The following EXT1 variants were observed in gnomAD, a reference collection of about 807,000 sequenced individuals.
EXT1 encodes exostosin glycosyltransferase 1.
Under a neutral mutation model 82.5 loss-of-function variants are expected in EXT1, and 20 were observed. The ratio of observed to expected loss-of-function variants is 0.24; its 90% CI spans 0.17 to 0.35. The LOEUF is 0.35. EXT1 is among the 10% of genes least tolerant of loss of function. The pLI is 1.00. For synonymous variants in EXT1, 348 were observed against 350.8 expected, an observed-to-expected ratio of 0.99 and a Z score of 0.09; for missense variants, 757 against 936.5, an observed-to-expected ratio of 0.81 and a Z score of 2.50.
intron 1 of EXT1, among the ~76,000 whole-genome samples, chr8:117,968,823 C>A (rs1814881670): frequency 1.5e-5 from 1 of 64,574 alleles, no homozygotes; most frequent in East Asian, 3.2e-4. Flanking sequence ...CCCGCCTCGG[C>A]CTCCCAAAGT....
At chr8:117,888,748 C>A (rs1813193077) in intron 1 of EXT1, among the ~76,000 whole-genome samples, 2 of 152,198 alleles carry the variant, frequency 1.3e-5, no homozygotes, top group Admixed American at 6.5e-5. Flanking sequence ...ACCTCCTCCC[C>A]ATTTGCCTTC....
intron 4 of EXT1, 64 bp from the exon 5 acceptor site, chr8:117,822,661 C>T (rs2129749870): frequency 3.1e-6 from 5 of 1,589,056 alleles, no homozygotes; most frequent in East Asian, 2.2e-5. Flanking sequence ...AAGGATGATG[C>T]TCAATCCAAA....
At chr8:117,800,388 C>T (rs1823148068) in intron 10 of EXT1, among the ~76,000 whole-genome samples, 1 of 152,106 alleles carries the variant, frequency 6.6e-6, no homozygotes, top group Non-Finnish European at 1.5e-5. Context: ...ATCTCTTTAC[C>T]TTTATAAGGG....
intron 3 of EXT1, among the ~76,000 whole-genome samples, chr8:117,833,039 C>T (rs1374041057): frequency 6.6e-6 from 1 of 152,086 alleles, no homozygotes; most frequent in African/African-American, 2.4e-5. Context: ...ATAAAAACAT[C>T]CCAGCTGTTC....
intron 1 of EXT1, among the ~76,000 whole-genome samples, chr8:118,103,802 C>A (rs564135648): frequency 4.6e-5 from 7 of 152,106 alleles, no homozygotes; most frequent in Non-Finnish European, 2.9e-5. Context: ...ATTCCAATGC[C>A]CCTTGAACAG....
intron 1 of EXT1, among the ~76,000 whole-genome samples, chr8:118,086,573 C>T (rs1175057185): frequency 6.6e-6 from 1 of 152,150 alleles, no homozygotes; most frequent in East Asian, 1.9e-4. Flanking sequence ...GAATATTCAG[C>T]TTCCCTTTGG....
chr8:117,988,391 C>A (rs915271712), intron 1 of EXT1, among the ~76,000 whole-genome samples: 2 of 150,398 alleles, frequency 1.3e-5, no homozygotes, highest in African/African-American at 4.9e-5. Flanking sequence ...AGTGTAGATT[C>A]CTGGGCCCAG....
At chr8:117,947,894 T>C (rs746255664) in intron 1 of EXT1, among the ~76,000 whole-genome samples, 4 of 152,132 alleles carry the variant, frequency 2.6e-5, no homozygotes, top group Non-Finnish European at 4.4e-5. Context: ...ACTTTGGAGG[T>C]CAGCCAAAAT....
chr8:117,911,105 G>A (rs749423000), intron 1 of EXT1, among the ~76,000 whole-genome samples: 134 of 152,294 alleles, frequency 8.8e-4, no homozygotes, highest in Non-Finnish European at 1.6e-3. Flanking sequence ...AGCTGTAAAT[G>A]GACTAACAGC....
At chr8:117,955,504 T>C (rs1287649872) in intron 1 of EXT1, among the ~76,000 whole-genome samples, 1 of 152,208 alleles carries the variant, frequency 6.6e-6, no homozygotes, top group Non-Finnish European at 1.5e-5. Context: ...GACATTCTTA[T>C]CACCTCTATC....
intron 1 of EXT1, among the ~76,000 whole-genome samples, chr8:118,053,171 G>C (rs967444162): frequency 2.0e-5 from 3 of 152,050 alleles, no homozygotes; most frequent in Non-Finnish European, 2.9e-5. Flanking sequence ...GTTGGAGAAT[G>C]GTCACAAACT....
At chr8:117,807,185 A>T (rs1289831028) in intron 9 of EXT1, 32 bp downstream of exon 9, 1 of 1,613,710 alleles carries the variant, frequency 6.2e-7, no homozygotes, top group East Asian at 2.2e-5. Flanking sequence ...AAGCTATGTA[A>T]AGTCTGTAAG....
At chr8:118,090,966 GC>G (rs1465941487) in intron 1 of EXT1, among the ~76,000 whole-genome samples, 12 of 151,918 alleles carry the variant, frequency 7.9e-5, no homozygotes, top group Non-Finnish European at 1.5e-4. Flanking sequence ...CAGACAGTTA[GC>G]AAGGAGGCTC....
At chr8:118,095,259 A>G (rs1443554550) in intron 1 of EXT1, among the ~76,000 whole-genome samples, 1 of 152,204 alleles carries the variant, frequency 6.6e-6, no homozygotes, top group Non-Finnish European at 1.5e-5. Context: ...CTCCTTAGAT[A>G]TAGCTAAGTC....
intron 1 of EXT1, among the ~76,000 whole-genome samples, chr8:118,070,030 G>A (rs539357575): frequency 1.5e-4 from 23 of 152,166 alleles, no homozygotes; most frequent in Non-Finnish European, 3.1e-4. Flanking sequence ...GAGCCATGTC[G>A]TCAACAGCAG....
chr8:117,984,425 T>A (rs1262975049), intron 1 of EXT1, among the ~76,000 whole-genome samples: 1 of 135,508 alleles, frequency 7.4e-6, no homozygotes, highest in Non-Finnish European at 1.6e-5. Context: ...TGAAACTCCG[T>A]CTCAAAAACA....
In EXT1 at chr8:117,794,837, T is replaced by G. The variant is rs1823068849; in HGVS notation, c.*4875A>C. On this transcript the variant is annotated 3_prime_UTR_variant, in exon 11 of 11. Transcript: ENST00000378204. The stretch of plus-strand genomic sequence containing the variant: ...GTATACAAAATAAGGTATACTTTTG[T>G]TTTTTGCGTTACAATTTGCCACCTA... 1 of 152,222 alleles carries G rather than the reference T, an allele frequency of 6.6e-6. No individual in the cohort carries two copies. Among genetic ancestry groups the G allele is most frequent in the South Asian group, 2.1e-4 (1 of 4,834 alleles). 9.4% of individuals were successfully genotyped at this position (152,222 alleles called of 1,614,324 possible).
chr8:117,848,678 T>C (rs956481688), intron 1 of EXT1, among the ~76,000 whole-genome samples: 1 of 152,146 alleles, frequency 6.6e-6, no homozygotes, highest in African/African-American at 2.4e-5. Context: ...TGCCCATTCA[T>C]GGATTTTGCA....
intron 7 of EXT1, among the ~76,000 whole-genome samples, chr8:117,813,780 T>C (rs1823374114): frequency 6.6e-6 from 1 of 151,854 alleles, no homozygotes; most frequent in Non-Finnish European, 1.5e-5. Context: ...CTGAGGTGGG[T>C]GGATCACTTG....
Sources: gnomAD v4.1 joint callset for allele counts (sites outside exome capture counted in the v4.1 genomes callset) on GRCh38, gnomAD v4.1.1 for gene constraint, MANE v1.5 for transcripts, NCBI Gene and HGNC (gene_info 2026-07-23, HGNC 2026-07-21) for gene names.